The following CNTN6 variants were observed in gnomAD, a reference collection of about 807,000 sequenced individuals.
The protein encoded by CNTN6 is contactin 6, also known as contactin-6.
In CNTN6, 137 loss-of-function variants were observed where a neutral mutation model predicts 122.8. That is an observed-to-expected ratio of 1.12 (90% confidence interval 0.97 to 1.29). The LOEUF (loss-of-function observed/expected upper bound fraction) is 1.29, where lower values mean the gene tolerates loss of function less well. Ranked by LOEUF, CNTN6 falls within the 50% of genes most tolerant of loss-of-function variation. CNTN6 has a pLI of 0.00. For synonymous variants in CNTN6, 570 were observed against 426.0 expected (o/e 1.34, Z -4.16); for missense variants, 1,634 against 1,223.4 (o/e 1.34, Z -5.01).
intron 1 of CNTN6, among the ~76,000 whole-genome samples, chr3:1,144,745 A>T (rs1294862361): frequency 6.6e-6 from 1 of 152,120 alleles, no homozygotes; most frequent in Non-Finnish European, 1.5e-5. Flanking sequence ...GGTACTGGGT[A>T]TGATTCTAGG....
chr3:1,130,955 G>A (rs185701055), intron 1 of CNTN6, among the ~76,000 whole-genome samples: 2 of 152,212 alleles, frequency 1.3e-5, no homozygotes, highest in Admixed American at 1.3e-4. Flanking sequence ...GATTCTTTGA[G>A]TGTAAATAAC....
intron 2 of CNTN6, among the ~76,000 whole-genome samples, chr3:1,176,625 T>C (rs1427375044): frequency 6.6e-6 from 1 of 152,184 alleles, no homozygotes; most frequent in Non-Finnish European, 1.5e-5. Context: ...TTCAAGTATA[T>C]AGAGAAGTTA....
chr3:1,242,542 G>T (rs1175881471), intron 4 of CNTN6, among the ~76,000 whole-genome samples: 1 of 152,230 alleles, frequency 6.6e-6, no homozygotes, highest in Non-Finnish European at 1.5e-5. Context: ...CGTGCTGTGG[G>T]ATGGGATATG....
chr3:1,255,133 A>G (rs1365721719), intron 4 of CNTN6, among the ~76,000 whole-genome samples: 1 of 152,150 alleles, frequency 6.6e-6, no homozygotes, highest in African/African-American at 2.4e-5. Context: ...ATAGAAGGCT[A>G]CACAGCTACT....
intron 1 of CNTN6, among the ~76,000 whole-genome samples, chr3:1,108,576 C>G (rs1468879772): frequency 6.6e-6 from 1 of 151,948 alleles, no homozygotes; most frequent in African/African-American, 2.4e-5. Flanking sequence ...ACTGTAATAT[C>G]ATTGAGCTGT....
intron 17 of CNTN6, among the ~76,000 whole-genome samples, chr3:1,378,096 G>C (rs1046434534): frequency 2.0e-5 from 3 of 151,994 alleles, no homozygotes; most frequent in African/African-American, 7.2e-5. Flanking sequence ...TCTCTTGTAG[G>C]TGGTCTTTGT....
intron 2 of CNTN6, among the ~76,000 whole-genome samples, chr3:1,176,983 C>A (rs553334476): frequency 8.8e-5 from 13 of 147,562 alleles, no homozygotes; most frequent in Non-Finnish European, 1.5e-4. Flanking sequence ...ATGAGACCAA[C>A]TGAAATAATA....
chr3:1,212,162 G>T (rs889050464), intron 2 of CNTN6, among the ~76,000 whole-genome samples: 1 of 151,048 alleles, frequency 6.6e-6, no homozygotes, highest in Non-Finnish European at 1.5e-5. Context: ...CAACAATATT[G>T]TACAATTTTC....
intron 20 of CNTN6, 159 bp from the exon 21 acceptor site, chr3:1,401,270 GCTTA>G (rs1279105105): frequency 8.6e-6 from 5 of 584,412 alleles, no homozygotes; most frequent in South Asian, 2.0e-5. Context: ...GAATAAATTT[GCTTA>G]CTGTGATTAG....
At chr3:1,301,086 G>C (rs188358318) in intron 7 of CNTN6, among the ~76,000 whole-genome samples, 2 of 138,830 alleles carry the variant, frequency 1.4e-5, no homozygotes, top group African/African-American at 2.7e-5. Flanking sequence ...GCCCAGGCTG[G>C]AGTGCAATGG....
At chr3:1,256,097 C>G (rs566600038) in intron 4 of CNTN6, among the ~76,000 whole-genome samples, 1 of 152,150 alleles carries the variant, frequency 6.6e-6, no homozygotes, top group South Asian at 2.1e-4. Flanking sequence ...TTTTGAACTC[C>G]TGGGTTCAAA....
At chr3:1,298,626 C>A (rs1292703593) in intron 7 of CNTN6, among the ~76,000 whole-genome samples, 2 of 152,038 alleles carry the variant, frequency 1.3e-5, no homozygotes, top group Admixed American at 6.6e-5. Context: ...TGGAGGTATA[C>A]AAATTTCATT....
At chr3:1,264,065 TG>T (rs1375838838) in intron 4 of CNTN6, among the ~76,000 whole-genome samples, 1 of 152,104 alleles carries the variant, frequency 6.6e-6, no homozygotes, top group Non-Finnish European at 1.5e-5. Context: ...GTATTTGGAA[TG>T]TTCTGAACAC....
Position 1,400,386 on chromosome 3 carries a change from G to A in CNTN6, c.2705-1047G>A, listed in dbSNP as rs372170833. Reference sequence around the variant, plus strand: ...AAGTGACTTCCCAACCTGGATTCTCGTTTTCTTGTATGTAAAATTCTCTAG... The same window carrying A: ...AAGTGACTTCCCAACCTGGATTCTCATTTTCTTGTATGTAAAATTCTCTAG... On this transcript the variant is annotated intron_variant, in intron 20 of 22. Transcript: ENST00000446702. Among the ~76,000 whole-genome samples, 40 of 152,102 alleles carry A rather than the reference G, an allele frequency of 2.6e-4. No homozygotes were observed. The South Asian group carries it at 2.9e-3, about 11-fold the overall frequency.
At chr3:1,151,680 C>G (rs867433563) in intron 2 of CNTN6, among the ~76,000 whole-genome samples, 1 of 152,108 alleles carries the variant, frequency 6.6e-6, no homozygotes, top group African/African-American at 2.4e-5. Flanking sequence ...TAGTCCCTGC[C>G]CTCTTCAACC....
At chr3:1,317,056 C>T (rs1700186947) in intron 7 of CNTN6, among the ~76,000 whole-genome samples, 1 of 151,866 alleles carries the variant, frequency 6.6e-6, no homozygotes, top group African/African-American at 2.4e-5. Context: ...TCAGATTTAG[C>T]AGTTATATAA....
intron 4 of CNTN6, among the ~76,000 whole-genome samples, chr3:1,237,021 C>T (rs995443804): frequency 1.4e-4 from 21 of 151,826 alleles, no homozygotes; most frequent in African/African-American, 4.8e-4. Context: ...GCAGAGCTTG[C>T]AGTGAGCTGT....
chr3:1,176,543 G>A (rs933136342), intron 2 of CNTN6, among the ~76,000 whole-genome samples: 1 of 152,096 alleles, frequency 6.6e-6, no homozygotes, highest in African/African-American at 2.4e-5. Context: ...GGCAAACTAG[G>A]GAGTATGGAA....
chr3:1,231,800 T>A, intron 4 of CNTN6, among the ~76,000 whole-genome samples: 1 of 152,192 alleles, frequency 6.6e-6, no homozygotes, highest in Non-Finnish European at 1.5e-5. Flanking sequence ...ATCTCTTTCT[T>A]CCCCAACCCA....
Sources: allele counts gnomAD v4.1 joint callset (sites outside exome capture counted in the v4.1 genomes callset), GRCh38; gene constraint gnomAD v4.1.1; transcripts MANE v1.5; gene names NCBI Gene and HGNC (gene_info 2026-07-23, HGNC 2026-07-21).